CCDC32: variants seen among roughly 807,000 people sequenced by gnomAD.
CCDC32 encodes the protein coiled-coil domain-containing protein 32.
In CCDC32, 9 loss-of-function variants were observed where a neutral mutation model predicts 20.1. The observed-to-expected ratio is 0.45, with a 90% CI of 0.27 to 0.78. CCDC32 has a LOEUF of 0.78. Among genes scored for constraint, CCDC32 ranks in the 30% least tolerant of loss-of-function variants. The pLI is 0.16. For missense variants in CCDC32, 204 were observed against 215.5 expected (o/e 0.95, Z 0.33); for synonymous variants, 63 against 79.0 (o/e 0.80, Z 1.07).
chr15:40,522,045 T>A, the CCDC32 span, among the ~76,000 whole-genome samples: 1 of 152,204 alleles, frequency 6.6e-6, no homozygotes, highest in Non-Finnish European at 1.5e-5. Context: ...TCCTATATTT[T>A]CTTCCTATAT....
chr15:40,542,461 G>A (rs901147883), intron 3 of CCDC32, among the ~76,000 whole-genome samples: 2 of 152,190 alleles, frequency 1.3e-5, no homozygotes, highest in African/African-American at 4.8e-5. Flanking sequence ...GTTTGTCGAT[G>A]TTCCTCTGTA....
downstream of CCDC32, among the ~76,000 whole-genome samples, chr15:40,528,381 G>C (rs957943812): frequency 6.6e-6 from 1 of 152,238 alleles, no homozygotes; most frequent in Admixed American, 6.5e-5. Flanking sequence ...GGGAAGAGTA[G>C]CAGAGGCAAG....
downstream of CCDC32, chr15:40,534,945 G>C (rs776390128): frequency 7.1e-6 from 5 of 702,550 alleles, no homozygotes; most frequent in South Asian, 3.0e-5. Context: ...AGGCTTGGCT[G>C]TATGATCTGC....
chr15:40,522,937 C>T, the CCDC32 span, among the ~76,000 whole-genome samples: 1 of 151,532 alleles, frequency 6.6e-6, no homozygotes, highest in Non-Finnish European at 1.5e-5. Flanking sequence ...AGCGATTCTC[C>T]CGCCTCAACC....
At chr15:40,560,807 T>C (rs1191161317) in intron 2 of CCDC32, among the ~76,000 whole-genome samples, 2 of 152,308 alleles carry the variant, frequency 1.3e-5, no homozygotes, top group East Asian at 1.9e-4. Flanking sequence ...GGAAAACATA[T>C]GGAGATTTCT....
chr15:40,537,883 G>A (rs1889193545), downstream of CCDC32: 1 of 152,400 alleles, frequency 6.6e-6, no homozygotes, highest in South Asian at 2.1e-4. Flanking sequence ...CTGGGAGGTG[G>A]AGGTTGCAGT....
chr15:40,553,589 A>G lies in CCDC32; in HGVS notation c.*382T>C, dbSNP rs1890015570. On this transcript the variant is annotated 3_prime_UTR_variant, in exon 4 of 4. Transcript: ENST00000416810. ...GGCAAGAAAATATATGGCTCACTTA[A>G]CTTACACATTACACATAAGAGGCCT... is the stretch of plus-strand genomic sequence containing the variant. 1 of 1,005,354 alleles carries G rather than the reference A, an allele frequency of 9.9e-7. No individual in the cohort carries two copies. Among genetic ancestry groups the G allele is most frequent in the African/African-American group, 1.7e-5 (1 of 58,178 alleles). 62.3% of individuals were successfully genotyped at this position (1,005,354 alleles called of 1,614,324 possible). A position where few individuals can be genotyped will look rare whatever the true frequency, so the allele number is the denominator to read the frequency against.
intron 3 of CCDC32, among the ~76,000 whole-genome samples, chr15:40,545,335 CAT>C (rs1037729172): frequency 2.0e-5 from 3 of 151,896 alleles, no homozygotes; most frequent in East Asian, 1.9e-4. Flanking sequence ...CTTCTGCACA[CAT>C]ACACACACAC....
chr15:40,528,678 G>T, downstream of CCDC32: 2 of 676,532 alleles, frequency 3.0e-6, no homozygotes, highest in Non-Finnish European at 5.3e-6. Flanking sequence ...ACGGAGGTGG[G>T]TTGGAGTTGA....
At chr15:40,524,993 G>T (rs998108744), downstream of CCDC32, among the ~76,000 whole-genome samples, 7 of 151,438 alleles carry the variant, frequency 4.6e-5, no homozygotes, top group African/African-American at 1.7e-4. Flanking sequence ...TTCCCAAAGT[G>T]CTGGGATTAC....
At chr15:40,563,102 A>C (rs1890766638) in intron 1 of CCDC32, 75 bp from the exon 2 acceptor site, 1 of 1,503,556 alleles carries the variant, frequency 6.7e-7, no homozygotes, top group African/African-American at 1.4e-5. Context: ...GTGGCTCACG[A>C]CTGTAATCCC....
At chr15:40,548,893 C>T (rs1464001392), downstream of CCDC32, among the ~76,000 whole-genome samples, 2 of 152,088 alleles carry the variant, frequency 1.3e-5, no homozygotes, top group Non-Finnish European at 2.9e-5. Context: ...GAGGAGTGTC[C>T]ACATCACACT....
chr15:40,534,543 T>A (rs1180799393), downstream of CCDC32: 1 of 201,848 alleles, frequency 5.0e-6, no homozygotes, highest in East Asian at 1.4e-4. Context: ...AAGAATAGCA[T>A]GAGGGAAACT....
At chr15:40,560,180 G>T (rs2412529) in intron 2 of CCDC32, among the ~76,000 whole-genome samples, 134,500 of 152,102 alleles carry the variant, frequency 0.88, 59,769 homozygotes, top group Non-Finnish European at 0.93. Flanking sequence ...CAGCTAATTT[G>T]TGTATTTTTA....
At chr15:40,546,277 C>A (rs8036938) in intron 3 of CCDC32, among the ~76,000 whole-genome samples, 3 of 151,238 alleles carry the variant, frequency 2.0e-5, no homozygotes, top group Admixed American at 2.0e-4. Context: ...CTGCAACCTC[C>A]GCCTTCTGGG....
downstream of CCDC32, among the ~76,000 whole-genome samples, chr15:40,527,767 C>T (rs1019018679): frequency 3.9e-5 from 6 of 152,218 alleles, no homozygotes; most frequent in African/African-American, 7.2e-5. Context: ...TGCCTTGGGA[C>T]GCTGAAGAGA....
chr15:40,557,448 C>G (rs1188066598), intron 2 of CCDC32, 76 bp from the exon 3 acceptor site: 1 of 1,468,516 alleles, frequency 6.8e-7, no homozygotes, highest in African/African-American at 1.4e-5. Context: ...ACTCAAAATA[C>G]TAACTTAAAA....
intron 3 of CCDC32, among the ~76,000 whole-genome samples, chr15:40,539,882 C>CACACT: frequency 1.5e-5 from 1 of 67,258 alleles, no homozygotes; most frequent in Admixed American, 1.9e-4. Context: ...ACACACACAC[C>CACACT]CCGCTCCTTG....
At chr15:40,526,791 T>C (rs1211245941), downstream of CCDC32, among the ~76,000 whole-genome samples, 1 of 152,110 alleles carries the variant, frequency 6.6e-6, no homozygotes, top group Non-Finnish European at 1.5e-5. Flanking sequence ...CATGTGCCTG[T>C]AGTCTTGGCT....
Sources: allele counts gnomAD v4.1 joint callset (sites outside exome capture counted in the v4.1 genomes callset), GRCh38; gene constraint gnomAD v4.1.1; transcripts MANE v1.5; gene names NCBI Gene and HGNC (gene_info 2026-07-23, HGNC 2026-07-21).